Variants in RP1 observed in about 807,000 individuals in gnomAD.
RP1 encodes the protein oxygen-regulated protein 1.
Under a neutral mutation model 14.8 loss-of-function variants are expected in RP1, and 16 were observed. The observed-to-expected ratio is 1.08, with a 90% CI of 0.73 to 1.65. The LOEUF is 1.65. Among genes scored for constraint, RP1 ranks in the 40% most tolerant of loss-of-function variants. The probability of loss-of-function intolerance (pLI) is 0.00; values close to 1 mark genes in which losing one functional copy is unlikely to be tolerated. For synonymous variants in RP1, 876 were observed against 883.6 expected (o/e 0.99, Z 0.15); for missense variants, 2,631 against 2,535.0 (o/e 1.04, Z -0.81).
chr8:54,565,959 A>G (rs1804396120), intron 1 of RP1, among the ~76,000 whole-genome samples: 1 of 152,018 alleles, frequency 6.6e-6, no homozygotes, highest in African/African-American at 2.4e-5. Context: ...CATCTTTGAC[A>G]TTCCTTGCTT....
intron 25 of RP1, among the ~76,000 whole-genome samples, chr8:54,849,632 A>T (rs184701098): frequency 4.6e-5 from 7 of 152,306 alleles, no homozygotes; most frequent in Admixed American, 2.6e-4. Context: ...ACTTAGCAAA[A>T]ATTTGGGCCT....
chr8:54,612,315 A>C (rs1805617570), upstream of RP1, among the ~76,000 whole-genome samples: 1 of 152,182 alleles, frequency 6.6e-6, no homozygotes, highest in Admixed American at 6.5e-5. Flanking sequence ...TGGATCCTGC[A>C]AGCTGCTGTA....
chr8:54,835,564 C>T (rs1250074262), intron 24 of RP1, among the ~76,000 whole-genome samples: 2 of 151,452 alleles, frequency 1.3e-5, no homozygotes, highest in Non-Finnish European at 2.9e-5. Flanking sequence ...ATATTTAGAC[C>T]ACTTATTTTT....
At chr8:54,841,941 A>C (rs1261656019) in intron 25 of RP1, among the ~76,000 whole-genome samples, 3 of 152,232 alleles carry the variant, frequency 2.0e-5, no homozygotes, top group Non-Finnish European at 2.9e-5. Context: ...CAAATCAAGA[A>C]ATAACCATCT....
At chr8:54,656,174 G>C in exon 6 of RP1, 1 of 1,535,642 alleles carries the variant, frequency 6.5e-7, no homozygotes, top group African/African-American at 1.4e-5. Context: ...GAAATCTGTC[G>C]AGAATTTCCT....
intron 22 of RP1, among the ~76,000 whole-genome samples, chr8:54,768,967 G>A (rs1316984490): frequency 6.7e-6 from 1 of 150,220 alleles, no homozygotes; most frequent in Non-Finnish European, 1.5e-5. Context: ...CACAATCTCA[G>A]CTTACTGCAA....
At chr8:54,772,490 G>A (rs758764123), downstream of RP1, among the ~76,000 whole-genome samples, 10 of 152,082 alleles carry the variant, frequency 6.6e-5, no homozygotes, top group Non-Finnish European at 1.5e-5. Context: ...TAGGTCCCTG[G>A]TACAATGTGG....
chr8:54,621,446 G>T lies in RP1; in HGVS notation c.480G>T (p.Arg160Ser). Residue 160 changes from arginine to serine, a missense_variant, in exon 2 of 4, where the codon AGG (arginine) becomes AGT (serine). Transcript: ENST00000220676. Reference protein sequence around the residue: ...PRPPRSLVVFRNGDPKTRRAV... With the variant: ...PRPPRSLVVFSNGDPKTRRAV... Reference sequence around the variant, plus strand: ...CCCCACGGAGCCTAGTGGTCTTCAGGAATGGCGACCCGAAGACGAGGCGTG... The same window carrying T: ...CCCCACGGAGCCTAGTGGTCTTCAGTAATGGCGACCCGAAGACGAGGCGTG... The T allele has an allele frequency of 6.2e-7, 1 of 1,613,934 alleles. No homozygotes were observed. The highest frequency in any genetic ancestry group is 8.5e-7 in the Non-Finnish European group (1 of 1,180,032).
intron 15 of RP1, among the ~76,000 whole-genome samples, chr8:54,710,802 G>A (rs899348345): frequency 6.6e-6 from 1 of 152,166 alleles, no homozygotes; most frequent in South Asian, 2.1e-4. Flanking sequence ...TACCGACTGA[G>A]TCTGGGTCTT....
chr8:54,759,835 C>T (rs559389243), intron 22 of RP1, among the ~76,000 whole-genome samples: 1 of 152,260 alleles, frequency 6.6e-6, no homozygotes, highest in East Asian at 1.9e-4. Flanking sequence ...TGAGTTAAAA[C>T]CCAATCTGTT....
At position 54,851,050 on chromosome 8, in the gene RP1, CGTGT is replaced by C. The variant is rs34551647; in HGVS notation, c.3836-1510_3836-1507del. Among the ~76,000 whole-genome samples, 15 of 150,102 alleles carry C rather than the reference CGTGT, an allele frequency of 1.0e-4. No homozygotes were observed. The East Asian group carries it at 1.2e-3, about 12-fold the overall frequency. On this transcript the variant is annotated intron_variant, in intron 25 of 28. Coordinates refer to the RP1 transcript ENST00000637698. Reference sequence around the variant, plus strand: ...ATTATTTAGATGGCAAGTACACGTACGTGTGTGTGTGTGTGTGCGTGCATGTGTG... The same window carrying C: ...ATTATTTAGATGGCAAGTACACGTACGTGTGTGTGTGTGCGTGCATGTGTG...
At chr8:54,602,986 T>C (rs1398449824) in intron 1 of RP1, among the ~76,000 whole-genome samples, 2 of 152,212 alleles carry the variant, frequency 1.3e-5, no homozygotes, top group Non-Finnish European at 2.9e-5. Flanking sequence ...ATTCTGTAGG[T>C]TGCCTGTTCA....
At chr8:54,748,600 T>A (rs1311358771) in intron 19 of RP1, among the ~76,000 whole-genome samples, 1 of 152,240 alleles carries the variant, frequency 6.6e-6, no homozygotes, top group Non-Finnish European at 1.5e-5. Flanking sequence ...ACTTTGTGTC[T>A]GATTTGCAAG....
intron 1 of RP1, among the ~76,000 whole-genome samples, chr8:54,619,355 A>T (rs1370767686): frequency 2.6e-5 from 4 of 152,194 alleles, no homozygotes; most frequent in African/African-American, 9.6e-5. Context: ...TTTATAGCTG[A>T]TTTACAATGA....
intron 24 of RP1, among the ~76,000 whole-genome samples, chr8:54,797,844 G>C (rs1810610916): frequency 1.4e-5 from 2 of 140,430 alleles, no homozygotes; most frequent in African/African-American, 5.4e-5. Context: ...TGATGTCATT[G>C]ATGAAGTTTC....
intron 24 of RP1, among the ~76,000 whole-genome samples, chr8:54,834,017 G>T (rs1046618218): frequency 6.6e-6 from 1 of 152,014 alleles, no homozygotes; most frequent in African/African-American, 2.4e-5. Context: ...GCCAAATTTT[G>T]TGTAAATACT....
At chr8:54,829,729 T>C (rs1318135238) in intron 24 of RP1, among the ~76,000 whole-genome samples, 2 of 152,118 alleles carry the variant, frequency 1.3e-5, no homozygotes, top group Non-Finnish European at 2.9e-5. Flanking sequence ...CAAGTAAATA[T>C]TAAAAAATCA....
chr8:54,673,294 ACATCATGT>A, intron 7 of RP1, among the ~76,000 whole-genome samples: 7 of 152,172 alleles, frequency 4.6e-5, no homozygotes, highest in Admixed American at 3.3e-4. Flanking sequence ...TGGATATGCT[ACATCATGT>A]ATTTTTCTTG....
intron 24 of RP1, among the ~76,000 whole-genome samples, chr8:54,794,226 G>A (rs2129385918): frequency 6.6e-6 from 1 of 151,076 alleles, no homozygotes. Context: ...AATTTCATGT[G>A]AAACCACAAA....
Sources: allele counts gnomAD v4.1 joint callset (sites outside exome capture counted in the v4.1 genomes callset), GRCh38; gene constraint gnomAD v4.1.1; transcripts MANE v1.5; gene names NCBI Gene and HGNC (gene_info 2026-07-23, HGNC 2026-07-21).